Variants in PLA2G4F observed in about 807,000 individuals in gnomAD.
The protein encoded by PLA2G4F is cytosolic phospholipase A2 zeta.
Under a neutral mutation model 103.1 loss-of-function variants are expected in PLA2G4F, and 105 were observed. That is an observed-to-expected ratio of 1.02 (90% CI 0.87 to 1.20). The LOEUF (loss-of-function observed/expected upper bound fraction) is 1.20. Among genes scored for constraint, PLA2G4F ranks in the 50% most tolerant of loss-of-function variants. The pLI, the probability that PLA2G4F is intolerant of heterozygous loss-of-function variation, is 0.00. For synonymous variants in PLA2G4F, 468 were observed against 441.1 expected (o/e 1.06, Z -0.76); for missense variants, 1,155 against 1,075.9 (o/e 1.07, Z -1.03).
At position 42,139,794 on chromosome 15, in the gene PLA2G4F, G is replaced by C. The variant is rs371119641; in HGVS notation, c.*2190C>G. ...ATATCTGGGCCACAGCACTAGCCCA[G>C]CCTCCTGCCCCCTGCCCCCTGCCCT... On this transcript the variant is annotated 3_prime_UTR_variant, in exon 20 of 20. Coordinates refer to ENST00000397272, the MANE Select transcript of PLA2G4F (RefSeq NM_213600.4). The C allele has an allele frequency of 7.2e-5, 11 of 152,690 alleles. No homozygotes were observed. The highest frequency in any genetic ancestry group is 2.6e-4 in the African/African-American group (11 of 41,544). The allele number at this position is 152,690 out of a possible 1,614,324, so 9.5% of individuals were successfully genotyped here.
In PLA2G4F at chr15:42,143,986, G is replaced by T. The variant is rs1401179823; in HGVS notation, c.2134C>A (p.Pro712Thr). 5 of 1,603,174 alleles carry T rather than the reference G, an allele frequency of 3.1e-6. No homozygotes were observed. The Admixed American group carries it at 6.8e-5, about 22-fold the overall frequency. Residue 712 changes from proline to threonine, a missense_variant, in exon 18 of 20, where the codon CCT (proline) becomes ACT (threonine). Physicochemically the swap from Pro to Thr is conservative, Grantham distance 38 (BLOSUM62 -1). Transcript: ENST00000397272. ...ILSFDYSLEA[P>T]FEVLKMTEKY... ...CCTGCCTCCCAGCTCACCTCAAAAG[G>T]GGCTTCCAAGGAATAGTCAAAGGAC... is the stretch of plus-strand genomic sequence containing the variant.
At position 42,141,927 on chromosome 15, in the gene PLA2G4F, C is replaced by A; in HGVS notation, c.*57G>T. 3.3e-6 allele frequency: 5 copies of A among 1,523,628 alleles called. No individual in the cohort carries two copies. The highest frequency in any genetic ancestry group is 4.5e-6 in the Non-Finnish European group (5 of 1,109,192). 94.4% of individuals were successfully genotyped at this position (1,523,628 alleles called of 1,614,324 possible). On this transcript the variant is annotated 3_prime_UTR_variant, in exon 20 of 20. Coordinates refer to ENST00000397272, the MANE Select transcript of PLA2G4F (RefSeq NM_213600.4). ...TCCCCATCGCTCCTCCCTCTACAAG[C>A]CCTGACCATGAGCAGTGTGTCTCCT...
At position 42,154,334 on chromosome 15, in the gene PLA2G4F, A is replaced by G. The variant is rs781585910; in HGVS notation, c.309T>C (p.His103=). 7.3e-5 allele frequency: 117 copies of G among 1,609,190 alleles called. No homozygotes were observed. The highest frequency in any genetic ancestry group is 9.4e-5 in the Non-Finnish European group (111 of 1,176,682). The change falls in exon 3 of 20, where the codon CAT becomes CAC. Residue 103 remains histidine, a synonymous_variant. Transcript: ENST00000397272. ...EWNETFHYQI[H]GAVKNVLELT... is the part of the protein sequence containing the mutation. ...GGCTGGCCCTCACCTTCACAGCACC[A>G]TGGATCTGGTAGTGGAAGGTCTCAT...
At position 42,139,414 on chromosome 15, in the gene PLA2G4F, A is replaced by G. The variant is rs1047666085; in HGVS notation, c.*2570T>C. On this transcript the variant is annotated 3_prime_UTR_variant, in exon 20 of 20. Transcript: ENST00000397272. ...ATAGCTTCTCCCACCACTCTGACCAATCTCCTACACTTGTGGCCCCCTTTT... is the reference window on the plus strand; with the variant it reads ...ATAGCTTCTCCCACCACTCTGACCAGTCTCCTACACTTGTGGCCCCCTTTT... 6.6e-6 allele frequency: 1 copy of G among 152,146 alleles called. No homozygotes were observed. Among genetic ancestry groups the G allele is most frequent in the Admixed American group, 6.5e-5 (1 of 15,270 alleles). 9.4% of individuals were successfully genotyped at this position (152,146 alleles called of 1,614,324 possible).
At chr15:42,153,415 T>C in intron 5 of PLA2G4F, 73 bp from the exon 6 acceptor site, 1 of 1,562,506 alleles carries the variant, frequency 6.4e-7, no homozygotes, top group Non-Finnish European at 8.8e-7. Flanking sequence ...ATAATGTGAC[T>C]GAAGCAGCGG....
rs565178206 is a variant in PLA2G4F at position 42,141,686 on chromosome 15, T to A, written c.*298A>T. ...CTGTGTCTGGGGTGGGCTCTGTGGC[T>A]CACCTGATTCTCTCCACACCCCGCT... On this transcript the variant is annotated 3_prime_UTR_variant, in exon 20 of 20. Transcript: ENST00000397272. 1.9e-6 allele frequency: 1 copy of A among 536,766 alleles called. No homozygotes were observed. The highest frequency in any genetic ancestry group is 3.6e-6 in the Non-Finnish European group (1 of 280,014). The allele number at this position is 536,766 out of a possible 1,614,324, so 33.3% of individuals were successfully genotyped here. A position where few individuals can be genotyped will look rare whatever the true frequency, so the allele number is the denominator to read the frequency against.
intron 4 of PLA2G4F, 134 bp from the exon 5 acceptor site, chr15:42,153,794 A>T: frequency 1.0e-6 from 1 of 973,014 alleles, no homozygotes. Flanking sequence ...TGGACATAGG[A>T]GGGGCAGTGG....
chr15:42,142,540 G>T lies in PLA2G4F; in HGVS notation c.2317C>A (p.His773Asn), dbSNP rs79982539. Residue 773 changes from histidine to asparagine, a missense_variant, in exon 19 of 20, where the codon CAC becomes AAC. Physicochemically the swap from His to Asn is moderately conservative, Grantham distance 68. Around this residue, in one of 3 missense-constraint regions of PLA2G4F, gnomAD observed 782 missense variants for 692.9 expected, o/e 1.13. Transcript: ENST00000397272. Reference sequence around the variant, plus strand: ...GAGCTTCCCTTACCTGGGGCCAGGTGTGTGCGGAAGGTACGGTTAACCAGG... The same window carrying T: ...GAGCTTCCCTTACCTGGGGCCAGGTTTGTGCGGAAGGTACGGTTAACCAGG... ...FPLVNRTFRT[H>N]LAPGVERQTA... 6.2e-7 allele frequency: 1 copy of T among 1,613,360 alleles called. No homozygotes were observed. The highest frequency in any genetic ancestry group is 1.3e-5 in the African/African-American group (1 of 74,898).
At chr15:42,154,497 T>C in intron 2 of PLA2G4F, 39 bp from the exon 3 acceptor site, 1 of 1,515,572 alleles carries the variant, frequency 6.6e-7, no homozygotes, top group Non-Finnish European at 8.8e-7. Context: ...CCTCAAGCTC[T>C]CATTGCTGAA....
rs750647101 is a variant in PLA2G4F, at chr15:42,153,666, TGGA to T, written c.451-9_451-7del. ...ACCTGCAGCTCTTGTGAATCCTACA[TGGA>T]GGGGGAGGGAGCACCAATTTTTTCA... On this transcript the variant is annotated splice_region_variant and splice_polypyrimidine_tract_variant and intron_variant, in intron 4 of 19. Transcript: ENST00000397272. 8.7e-6 allele frequency: 14 copies of T among 1,613,974 alleles called. No homozygotes were observed. In the East Asian group the frequency reaches 2.2e-4, roughly 26 times the overall value.
chr15:42,155,470 A>G, intron 2 of PLA2G4F, 47 bp downstream of exon 2: 1 of 1,592,656 alleles, frequency 6.3e-7, no homozygotes, highest in Middle Eastern at 1.7e-4. Flanking sequence ...GCTCTGAGGA[A>G]GCCGCAGGGA....
chr15:42,142,861 G>A (rs1036951690), intron 18 of PLA2G4F, 147 bp from the exon 19 acceptor site: 1 of 829,164 alleles, frequency 1.2e-6, no homozygotes, highest in Non-Finnish European at 1.9e-6. Context: ...TTTCTGAGCT[G>A]GTTTCTCATG....
Position 42,150,789 on chromosome 15 carries a change from G to T in PLA2G4F, c.602-12C>A. ...GAGCTGCCTAGAGCCTGAGAGCAGA[G>T]GGCCCAGGTGGGTGCGCAGGTGAGG... is the stretch of plus-strand genomic sequence containing the variant. On this transcript the variant is annotated splice_polypyrimidine_tract_variant and intron_variant, in intron 7 of 19. Transcript: ENST00000397272. 1 of 1,602,278 alleles carries T rather than the reference G, an allele frequency of 6.2e-7. No homozygotes were observed. The highest frequency in any genetic ancestry group is 8.5e-7 in the Non-Finnish European group (1 of 1,176,010).
intron 11 of PLA2G4F, among the ~76,000 whole-genome samples, chr15:42,148,371 C>T (rs763216801): frequency 2.0e-5 from 3 of 152,118 alleles, no homozygotes; most frequent in Non-Finnish European, 4.4e-5. Context: ...TCTGATTCCC[C>T]AAAATCAGCT....
chr15:42,146,048 G>A, intron 14 of PLA2G4F, 79 bp downstream of exon 14: 14 of 1,582,886 alleles, frequency 8.8e-6, no homozygotes, highest in Non-Finnish European at 1.2e-5. Context: ...ACCTCCTCTG[G>A]GTACCCTGAT....
At position 42,151,333 on chromosome 15, in the gene PLA2G4F, G is replaced by A. The variant is rs926445544; in HGVS notation, c.602-556C>T. 20 of 985,120 alleles carry A rather than the reference G, an allele frequency of 2.0e-5. No individual in the cohort carries two copies. In the African/African-American group the frequency reaches 3.5e-4, roughly 17 times the overall value. 61.0% of individuals were successfully genotyped at this position (985,120 alleles called of 1,614,324 possible). A position where few individuals can be genotyped will look rare whatever the true frequency, so the allele number is the denominator to read the frequency against. ...GCACGTCCTGGAGAAGCGGCGGAGG[G>A]CTAGCCCAGACTGGAAGATGAGGCC... On this transcript the variant is annotated intron_variant, in intron 7 of 19. Coordinates refer to ENST00000397272, the MANE Select transcript of PLA2G4F (RefSeq NM_213600.4).
Position 42,154,353 on chromosome 15 carries a change from G to T in PLA2G4F, c.290C>A (p.Thr97Asn), listed in dbSNP as rs148739708. The T allele has an allele frequency of 6.8e-6, 11 of 1,611,220 alleles. No individual in the cohort carries two copies. The highest frequency in any genetic ancestry group is 7.6e-6 in the Non-Finnish European group (9 of 1,178,086). ...ANCSDPEWNE[T>N]FHYQIHGAVK... ...AGCACCATGGATCTGGTAGTGGAAGGTCTCATTCCACTCGGGGTCACTGCA... is the reference window on the plus strand; with the variant it reads ...AGCACCATGGATCTGGTAGTGGAAGTTCTCATTCCACTCGGGGTCACTGCA... Residue 97 changes from threonine to asparagine, a missense_variant, in exon 3 of 20, where the codon ACC (threonine) becomes AAC (asparagine). By Grantham distance (65) the Thr-to-Asn change is moderately conservative. Transcript: ENST00000397272.
chr15:42,142,514 G>A lies in PLA2G4F; in HGVS notation c.2329+14C>T, dbSNP rs1249568538. 6.2e-7 allele frequency: 1 copy of A among 1,608,320 alleles called. No homozygotes were observed. The highest frequency in any genetic ancestry group is 8.5e-7 in the Non-Finnish European group (1 of 1,176,200). The stretch of plus-strand genomic sequence containing the variant: ...GGCTCTGTGGGTCAGTCCCAGGCCT[G>A]GAGCTTCCCTTACCTGGGGCCAGGT... On this transcript the variant is annotated intron_variant, in intron 19 of 19. Coordinates refer to ENST00000397272, the MANE Select transcript of PLA2G4F (RefSeq NM_213600.4).
chr15:42,144,400 G>A (rs564656354), intron 17 of PLA2G4F, 50 bp downstream of exon 17: 1 of 1,594,572 alleles, frequency 6.3e-7, no homozygotes. Flanking sequence ...TGAGCCAGAG[G>A]TGCAGGCAGG....
Sources: allele counts gnomAD v4.1 joint callset (sites outside exome capture counted in the v4.1 genomes callset), GRCh38; gene constraint gnomAD v4.1.1; regional missense constraint gnomAD v4.1.1; transcripts MANE v1.5; gene names NCBI Gene and HGNC (gene_info 2026-07-23, HGNC 2026-07-21).